Variants in SMYD3 observed in about 807,000 individuals in gnomAD.
SMYD3 encodes SET and MYND domain containing 3, also known as histone-lysine N-methyltransferase SMYD3.
A neutral mutation model predicts 57.7 loss-of-function variants in SMYD3; 36 were observed. The observed-to-expected ratio is 0.62, with a 90% CI of 0.48 to 0.82. The LOEUF (loss-of-function observed/expected upper bound fraction) is 0.82, where lower values mean the gene tolerates loss of function less well. Among genes scored for constraint, SMYD3 ranks in the 40% least tolerant of loss-of-function variants. The pLI is 0.00. For synonymous variants in SMYD3, 211 were observed against 195.0 expected (o/e 1.08, Z -0.68); for missense variants, 515 against 538.8 (o/e 0.96, Z 0.44).
intron 1 of SMYD3, among the ~76,000 whole-genome samples, chr1:246,432,327 T>G (rs2067309035): frequency 6.6e-6 from 1 of 152,236 alleles, no homozygotes; most frequent in Admixed American, 6.5e-5. Context: ...ATGAAAGTAT[T>G]TTAGATAGCT....
chr1:245,994,726 TTA>T (rs2058888285), intron 5 of SMYD3, among the ~76,000 whole-genome samples: 1 of 152,098 alleles, frequency 6.6e-6, no homozygotes, highest in Admixed American at 6.5e-5. Flanking sequence ...TTCCCTCTCA[TTA>T]TCCATCTATG....
At chr1:246,185,562 A>T (rs748305864) in intron 5 of SMYD3, among the ~76,000 whole-genome samples, 3 of 150,332 alleles carry the variant, frequency 2.0e-5, no homozygotes, top group Non-Finnish European at 4.4e-5. Context: ...CCCGGGTTCA[A>T]GCCATTCTCC....
chr1:245,912,566 G>A (rs1013893734), intron 8 of SMYD3, among the ~76,000 whole-genome samples: 2 of 151,890 alleles, frequency 1.3e-5, no homozygotes, highest in Non-Finnish European at 2.9e-5. Context: ...CGAGCAAAAA[G>A]AACAAAGCTG....
intron 1 of SMYD3, among the ~76,000 whole-genome samples, chr1:246,456,020 C>G (rs2067695313): frequency 6.6e-6 from 1 of 151,892 alleles, no homozygotes; most frequent in African/African-American, 2.4e-5. Flanking sequence ...AAAAATACAT[C>G]AATAACCTAT....
At chr1:245,756,101 A>G (rs531142115) in intron 11 of SMYD3, among the ~76,000 whole-genome samples, 2 of 148,060 alleles carry the variant, frequency 1.4e-5, no homozygotes, top group Non-Finnish European at 3.0e-5. Context: ...ATTTATATAT[A>G]TTTTATATAT....
chr1:245,971,745 A>C (rs115379083), intron 5 of SMYD3, among the ~76,000 whole-genome samples: 6 of 152,294 alleles, frequency 3.9e-5, no homozygotes, highest in African/African-American at 1.4e-4. Flanking sequence ...TTTTTTTAAA[A>C]ATAGCAGCTG....
At chr1:246,150,610 G>A (rs1271488283) in intron 5 of SMYD3, among the ~76,000 whole-genome samples, 1 of 152,146 alleles carries the variant, frequency 6.6e-6, no homozygotes, top group Admixed American at 6.5e-5. Context: ...TAGCCTATAT[G>A]GAAAAACTGG....
chr1:246,222,840 A>AG (rs1239528965), intron 5 of SMYD3, among the ~76,000 whole-genome samples: 11 of 152,310 alleles, frequency 7.2e-5, no homozygotes, highest in Admixed American at 3.3e-4. Context: ...GCGGTTTAGA[A>AG]GGGGCAGAGT....
At chr1:246,129,091 C>A (rs1487599454) in intron 5 of SMYD3, among the ~76,000 whole-genome samples, 1 of 152,140 alleles carries the variant, frequency 6.6e-6, no homozygotes, top group African/African-American at 2.4e-5. Context: ...TGGCCCTCCC[C>A]ACTGTTGATC....
At chr1:246,264,430 G>A (rs1042773327) in intron 5 of SMYD3, among the ~76,000 whole-genome samples, 2 of 152,220 alleles carry the variant, frequency 1.3e-5, no homozygotes, top group East Asian at 1.9e-4. Flanking sequence ...TAGGAGGATG[G>A]CTTCAGCCCA....
intron 8 of SMYD3, among the ~76,000 whole-genome samples, chr1:245,882,201 G>A (rs545537892): frequency 2.6e-5 from 4 of 152,326 alleles, no homozygotes; most frequent in African/African-American, 7.2e-5. Context: ...GCTGGAAGGG[G>A]AGAGAGGCAA....
In SMYD3 at chr1:245,837,142, C is replaced by T. The variant is rs1002227024; in HGVS notation, c.1076+21354G>A. 2.6e-5 allele frequency among the ~76,000 whole-genome samples: 4 copies of T among 151,508 alleles called. No homozygotes were observed. The East Asian group carries it at 7.8e-4, about 30-fold the overall frequency. On this transcript the variant is annotated intron_variant, in intron 10 of 11. Coordinates refer to ENST00000490107, the MANE Select transcript of SMYD3 (RefSeq NM_001167740.2). ...AGGAGTTCGAGACCAGCCTGGCCTA[C>T]ATGGTGAAACCCCATCTCTACTAAA...
intron 5 of SMYD3, among the ~76,000 whole-genome samples, chr1:245,938,346 C>A (rs768026168): frequency 2.0e-5 from 3 of 152,208 alleles, no homozygotes; most frequent in Admixed American, 2.0e-4. Context: ...GGGGGCCACT[C>A]CTTCTTTGGT....
rs376183381 is a variant in SMYD3, at chr1:246,225,223, T to G, written c.531+101978A>C. ...CAGAGCATCAACAGCCGTCAAAAGA[T>G]GTTGAAAAGAAATGGCTAAACAGAG... On this transcript the variant is annotated intron_variant, in intron 5 of 11. Transcript: ENST00000490107. Among the ~76,000 whole-genome samples the G allele has an allele frequency of 6.1e-5, 9 of 148,324 alleles. No individual in the cohort carries two copies. In the East Asian group the frequency reaches 1.4e-3, roughly 23 times the overall value.
At chr1:246,145,567 T>G (rs780097311) in intron 5 of SMYD3, among the ~76,000 whole-genome samples, 2 of 152,224 alleles carry the variant, frequency 1.3e-5, no homozygotes, top group Non-Finnish European at 2.9e-5. Flanking sequence ...TGTTGCTGCC[T>G]TCAATGAACC....
chr1:246,391,420 AAGAG>A (rs55713238), intron 1 of SMYD3, among the ~76,000 whole-genome samples: 15 of 130,102 alleles, frequency 1.2e-4, no homozygotes, highest in African/African-American at 1.7e-4. Flanking sequence ...GAGAGAGAAA[AAGAG>A]AGAGAGAGAG....
rs114395805 is a variant in SMYD3, at chr1:245,844,790, T to C, written c.1076+13706A>G. Among the ~76,000 whole-genome samples, 513 of 152,078 alleles carry C rather than the reference T, an allele frequency of 3.4e-3. 6 individuals carry two copies. Among genetic ancestry groups the C allele is most frequent in the African/African-American group, 0.012 (488 of 41,388 alleles). On this transcript the variant is annotated intron_variant, in intron 10 of 11. Coordinates refer to ENST00000490107, the MANE Select transcript of SMYD3 (RefSeq NM_001167740.2). Reference sequence around the variant, plus strand: ...CATGAAGCCACCTGGCTAACATGGGTCACATGACCAGGGAAACATGACTTT... The same window carrying C: ...CATGAAGCCACCTGGCTAACATGGGCCACATGACCAGGGAAACATGACTTT...
chr1:245,885,911 C>T (rs1274022728), intron 8 of SMYD3, among the ~76,000 whole-genome samples: 1 of 152,142 alleles, frequency 6.6e-6, no homozygotes, highest in Non-Finnish European at 1.5e-5. Flanking sequence ...TCTGAGGCTG[C>T]TTGTTACTCC....
intron 10 of SMYD3, among the ~76,000 whole-genome samples, chr1:245,816,856 G>A (rs777719937): frequency 6.6e-5 from 10 of 151,920 alleles, no homozygotes; most frequent in African/African-American, 1.7e-4. Context: ...AAAAAACGGC[G>A]CACCACGAGA....
Sources: gnomAD v4.1 joint callset for allele counts (sites outside exome capture counted in the v4.1 genomes callset) on GRCh38, gnomAD v4.1.1 for gene constraint, MANE v1.5 for transcripts, NCBI Gene and HGNC (gene_info 2026-07-23, HGNC 2026-07-21) for gene names.